Variants in KIF13B observed in about 807,000 individuals in gnomAD.
KIF13B encodes the protein kinesin-like protein KIF13B.
In KIF13B, 127 loss-of-function variants were observed where a neutral mutation model predicts 222.0. That is an observed-to-expected ratio of 0.57 (90% CI 0.50 to 0.66). The LOEUF is 0.66. KIF13B is among the 30% of genes least tolerant of loss of function. The probability of loss-of-function intolerance (pLI) is 0.00; values close to 1 mark genes in which losing one functional copy is unlikely to be tolerated. For synonymous variants in KIF13B, 976 were observed against 919.0 expected, an observed-to-expected ratio of 1.06 and a Z score of -1.12; for missense variants, 2,173 against 2,379.0, an observed-to-expected ratio of 0.91 and a Z score of 1.80.
In KIF13B at chr8:29,199,081, A is replaced by ATTTTTTTTTTTTTTTTT. The variant is rs1435870446; in HGVS notation, c.150-2883_150-2882insAAAAAAAAAAAAAAAAA. On this transcript the variant is annotated intron_variant, in intron 2 of 39. Coordinates refer to ENST00000524189, the MANE Select transcript of KIF13B (RefSeq NM_015254.4). ...AAAAGCTATTAAAATAAAAAAATAA[A>ATTTTTTTTTTTTTTTTT]ATTTTTTAAAAAATAGAAAAATGTT... 8.4e-4 allele frequency among the ~76,000 whole-genome samples: 127 copies of ATTTTTTTTTTTTTTTTT among 151,370 alleles called. 1 individual carries two copies. Among genetic ancestry groups the ATTTTTTTTTTTTTTTTT allele is most frequent in the African/African-American group, 2.3e-3 (95 of 40,946 alleles).
chr8:29,082,435 C>T (rs7465384), intron 37 of KIF13B, among the ~76,000 whole-genome samples: 132,266 of 152,154 alleles, frequency 0.87, 58,072 homozygotes, highest in Non-Finnish European at 0.93. Context: ...TACAAACTTC[C>T]ACATAACAGC....
intron 2 of KIF13B, among the ~76,000 whole-genome samples, chr8:29,230,644 A>G (rs1815243962): frequency 6.6e-6 from 1 of 152,190 alleles, no homozygotes; most frequent in South Asian, 2.1e-4. Context: ...GAAGTGTCAG[A>G]TTATGAGCAC....
intron 1 of KIF13B, 122 bp downstream of exon 1, chr8:29,262,858 T>A (rs1563836876): frequency 2.8e-6 from 2 of 707,992 alleles, no homozygotes; most frequent in Non-Finnish European, 4.3e-6. Flanking sequence ...CCCGGGCCCC[T>A]CCTCGCGCCC....
Position 29,130,813 on chromosome 8 carries a change from T to A in KIF13B, c.2943-148A>T, listed in dbSNP as rs936546540. On this transcript the variant is annotated intron_variant, in intron 23 of 39. Transcript: ENST00000524189. ...TCTGTAGTTCAGTGAATACCATGCA[T>A]GTACATACTGGCAAGAATAATGGAA... 12 of 657,862 alleles carry A rather than the reference T, an allele frequency of 1.8e-5. No individual in the cohort carries two copies. In the African/African-American group the frequency reaches 2.2e-4, roughly 12 times the overall value. The allele number at this position is 657,862 out of a possible 1,614,324, so 40.8% of individuals were successfully genotyped here.
chr8:29,214,232 T>C (rs1182564065), intron 2 of KIF13B, among the ~76,000 whole-genome samples: 1 of 152,240 alleles, frequency 6.6e-6, no homozygotes, highest in East Asian at 1.9e-4. Flanking sequence ...AACCTTAGCT[T>C]ACTGTAAAGT....
At chr8:29,141,985 T>C (rs1368000348) in intron 19 of KIF13B, among the ~76,000 whole-genome samples, 172 bp downstream of exon 19, 2 of 152,058 alleles carry the variant, frequency 1.3e-5, no homozygotes, top group Admixed American at 1.3e-4. Context: ...GAAAGAGAGA[T>C]TATTAAAATT....
intron 1 of KIF13B, among the ~76,000 whole-genome samples, chr8:29,259,866 C>G (rs1816618882): frequency 6.6e-6 from 1 of 152,180 alleles, no homozygotes; most frequent in Non-Finnish European, 1.5e-5. Flanking sequence ...ACCCTTTTCT[C>G]TAGTTGTTTA....
At chr8:29,109,355 G>A (rs1490470654) in intron 34 of KIF13B, 79 bp downstream of exon 34, 1 of 1,114,838 alleles carries the variant, frequency 9.0e-7, no homozygotes, top group Non-Finnish European at 1.4e-6. Context: ...GGGTTTGACG[G>A]GTGGAGAAGA....
intron 14 of KIF13B, among the ~76,000 whole-genome samples, chr8:29,152,062 G>C (rs989039392): frequency 6.6e-6 from 1 of 152,136 alleles, no homozygotes; most frequent in Non-Finnish European, 1.5e-5. Context: ...GCCTTCGGGG[G>C]GTTCAAGACT....
chr8:29,232,268 A>T (rs1815318799), intron 2 of KIF13B, among the ~76,000 whole-genome samples: 1 of 151,714 alleles, frequency 6.6e-6, no homozygotes, highest in Non-Finnish European at 1.5e-5. Flanking sequence ...GACTAAAAAT[A>T]AATTAATTAA....
At chr8:29,188,704 G>C (rs1813050931) in intron 4 of KIF13B, 97 bp from the exon 5 acceptor site, 2 of 716,924 alleles carry the variant, frequency 2.8e-6, no homozygotes, top group Admixed American at 5.8e-5. Context: ...TGTATAATCT[G>C]CTTATTTATC....
intron 2 of KIF13B, 115 bp downstream of exon 2, chr8:29,245,231 A>G: frequency 1.4e-6 from 1 of 717,066 alleles, no homozygotes; most frequent in Non-Finnish European, 2.4e-6. Context: ...GAAGACAGCA[A>G]TATGTCTCTA....
At chr8:29,094,954 G>GA (rs1386424929) in intron 36 of KIF13B, among the ~76,000 whole-genome samples, 1 of 128,156 alleles carries the variant, frequency 7.8e-6, no homozygotes, top group Admixed American at 8.1e-5. Flanking sequence ...TATCCAACTA[G>GA]AAAAAATAAA....
chr8:29,262,720 G>A (rs995731297), intron 1 of KIF13B, among the ~76,000 whole-genome samples: 1 of 151,200 alleles, frequency 6.6e-6, no homozygotes, highest in Admixed American at 6.6e-5. Flanking sequence ...GGCGGGGCGG[G>A]CGCAGGCGGA....
At chr8:29,073,271 G>A (rs1586739736) in intron 38 of KIF13B, among the ~76,000 whole-genome samples, 1 of 152,128 alleles carries the variant, frequency 6.6e-6, no homozygotes, top group Non-Finnish European at 1.5e-5. Flanking sequence ...GGGGGCCTCG[G>A]ACCCTGGAGA....
chr8:29,222,280 G>A (rs1010859887), intron 2 of KIF13B, among the ~76,000 whole-genome samples: 2 of 152,144 alleles, frequency 1.3e-5, no homozygotes, highest in African/African-American at 2.4e-5. Flanking sequence ...AGCCCAGGAG[G>A]TCAAGGTTGC....
intron 27 of KIF13B, 75 bp downstream of exon 27, chr8:29,123,949 T>C: frequency 1.1e-6 from 1 of 878,972 alleles, no homozygotes; most frequent in Non-Finnish European, 1.8e-6. Context: ...TCTTAACTGA[T>C]GTGGCTACAA....
chr8:29,121,170 A>G (rs1809842977), intron 29 of KIF13B, among the ~76,000 whole-genome samples: 1 of 148,612 alleles, frequency 6.7e-6, no homozygotes, highest in South Asian at 2.2e-4. Context: ...CCATCAAGCT[A>G]CCAATGACTT....
rs972519590 is a variant in KIF13B at position 29,159,732 on chromosome 8, T to C, written c.1404+1001A>G. On this transcript the variant is annotated intron_variant, in intron 13 of 39. Coordinates refer to ENST00000524189, the MANE Select transcript of KIF13B (RefSeq NM_015254.4). ...CTTTGCCGCCACTGAACCACAACAC[T>C]TGAGACATGCACATATGAAGGTATG... Among the ~76,000 whole-genome samples the C allele has an allele frequency of 6.6e-5, 10 of 152,250 alleles. 1 individual carries two copies. Among genetic ancestry groups the C allele is most frequent in the South Asian group, 6.2e-4 (3 of 4,822 alleles).
Sources: allele counts gnomAD v4.1 joint callset (sites outside exome capture counted in the v4.1 genomes callset), GRCh38; gene constraint gnomAD v4.1.1; transcripts MANE v1.5; gene names NCBI Gene and HGNC (gene_info 2026-07-23, HGNC 2026-07-21).